The following NKAIN3 variants were observed in gnomAD, a reference collection of about 807,000 sequenced individuals.
NKAIN3 encodes the protein sodium/potassium transporting ATPase interacting 3.
In NKAIN3, 25 loss-of-function variants were observed where a neutral mutation model predicts 30.2. That is an observed-to-expected ratio of 0.83 (90% CI 0.60 to 1.16). The LOEUF (loss-of-function observed/expected upper bound fraction) is 1.16, where lower values mean the gene tolerates loss of function less well. Among genes scored for constraint, NKAIN3 ranks in the 50% most tolerant of loss-of-function variants. NKAIN3 has a pLI of 0.00. For synonymous variants in NKAIN3, 91 were observed against 89.6 expected (o/e 1.02, Z -0.09); for missense variants, 225 against 254.1 (o/e 0.89, Z 0.78).
At chr8:62,706,225 T>G (rs1051284500) in intron 3 of NKAIN3, among the ~76,000 whole-genome samples, 1 of 152,074 alleles carries the variant, frequency 6.6e-6, no homozygotes. Flanking sequence ...TGATGATGAA[T>G]CCCCATGTTG....
intron 3 of NKAIN3, among the ~76,000 whole-genome samples, chr8:62,647,387 A>C (rs149454613): frequency 6.6e-6 from 1 of 152,286 alleles, no homozygotes; most frequent in East Asian, 1.9e-4. Flanking sequence ...GTTCTGAGGA[A>C]AGCAATTATG....
chr8:62,953,138 A>AACAC (rs139161457), intron 5 of NKAIN3, among the ~76,000 whole-genome samples: 13 of 151,334 alleles, frequency 8.6e-5, no homozygotes, highest in African/African-American at 2.7e-4. Context: ...TTTACACACA[A>AACAC]ACACACACAC....
At chr8:62,414,142 A>G (rs1585781452) in intron 1 of NKAIN3, among the ~76,000 whole-genome samples, 1 of 152,168 alleles carries the variant, frequency 6.6e-6, no homozygotes, top group East Asian at 1.9e-4. Flanking sequence ...CAGGATGAGT[A>G]AAGACATTTT....
At chr8:62,505,133 C>T (rs770347687) in intron 1 of NKAIN3, among the ~76,000 whole-genome samples, 44 of 152,054 alleles carry the variant, frequency 2.9e-4, no homozygotes, top group African/African-American at 6.0e-4. Context: ...TGTAATTATG[C>T]GAACAATAAG....
chr8:62,486,960 A>T (rs1410390822), intron 1 of NKAIN3, among the ~76,000 whole-genome samples: 6 of 152,184 alleles, frequency 3.9e-5, no homozygotes, highest in Non-Finnish European at 8.8e-5. Flanking sequence ...GCCCACAAAA[A>T]CACTCATCTC....
intron 6 of NKAIN3, among the ~76,000 whole-genome samples, chr8:62,957,914 G>T (rs1484636104): frequency 6.6e-6 from 1 of 152,158 alleles, no homozygotes; most frequent in Non-Finnish European, 1.5e-5. Context: ...TAACACACTG[G>T]TAGGGAATGC....
rs138863636 is a variant in NKAIN3 at position 62,699,077 on chromosome 8, C to T, written c.274-47855C>T. Among the ~76,000 whole-genome samples the T allele has an allele frequency of 1.6e-3, 247 of 152,246 alleles. 1 individual carries two copies. The highest frequency in any genetic ancestry group is 5.5e-3 in the African/African-American group (228 of 41,554). ...GGATATGCTGTTGTCATTAGAAACACGCTGGCTTTCTTGTGACCTTTCTCG... is the reference window on the plus strand; with the variant it reads ...GGATATGCTGTTGTCATTAGAAACATGCTGGCTTTCTTGTGACCTTTCTCG... On this transcript the variant is annotated intron_variant, in intron 3 of 6. Transcript: ENST00000623646.
At chr8:62,646,917 G>A (rs904614051) in intron 3 of NKAIN3, among the ~76,000 whole-genome samples, 11 of 152,122 alleles carry the variant, frequency 7.2e-5, no homozygotes, top group African/African-American at 2.7e-4. Flanking sequence ...ATGCATCAAT[G>A]AGTAAAAAGA....
intron 3 of NKAIN3, among the ~76,000 whole-genome samples, chr8:62,600,569 G>C (rs907596093): frequency 6.6e-6 from 1 of 151,992 alleles, no homozygotes; most frequent in Non-Finnish European, 1.5e-5. Flanking sequence ...GCTTCCTTCC[G>C]AAGGTCACTT....
At chr8:62,639,695 A>G (rs1415137185) in intron 3 of NKAIN3, among the ~76,000 whole-genome samples, 1 of 152,188 alleles carries the variant, frequency 6.6e-6, no homozygotes, top group South Asian at 2.1e-4. Context: ...TGATAAAAAT[A>G]GACAAGTTGG....
intron 1 of NKAIN3, among the ~76,000 whole-genome samples, chr8:62,399,084 C>G (rs1392792240): frequency 3.3e-5 from 5 of 151,966 alleles, no homozygotes; most frequent in African/African-American, 1.2e-4. Flanking sequence ...GAGCGAGACT[C>G]CTTCTCAAAA....
intron 4 of NKAIN3, among the ~76,000 whole-genome samples, chr8:62,806,163 G>A (rs1818272427): frequency 6.6e-6 from 1 of 152,194 alleles, no homozygotes; most frequent in Admixed American, 6.5e-5. Context: ...AACAGGTGCT[G>A]GAGAAGATGT....
chr8:62,951,405 T>G (rs1171199475), intron 5 of NKAIN3, among the ~76,000 whole-genome samples: 1 of 152,212 alleles, frequency 6.6e-6, no homozygotes, highest in Non-Finnish European at 1.5e-5. Context: ...TAATTTTAAT[T>G]TTTTAATCCA....
rs185124318 is a variant in NKAIN3, at chr8:62,974,417, G to A, written c.*9010G>A. 7.4e-4 allele frequency among the ~76,000 whole-genome samples: 112 copies of A among 152,170 alleles called. 1 individual carries two copies. The highest frequency in any genetic ancestry group is 2.6e-3 in the African/African-American group (109 of 41,510). On this transcript the variant is annotated 3_prime_UTR_variant, in exon 7 of 7. Transcript: ENST00000623646. ...CATTCCTAGGTATTTTATTCTCTTTGTAGCAATTGTGAATGGGAGTTTGTT... is the reference window on the plus strand; with the variant it reads ...CATTCCTAGGTATTTTATTCTCTTTATAGCAATTGTGAATGGGAGTTTGTT...
At chr8:62,658,783 G>T (rs1456815475) in intron 3 of NKAIN3, among the ~76,000 whole-genome samples, 1 of 152,148 alleles carries the variant, frequency 6.6e-6, no homozygotes, top group East Asian at 1.9e-4. Flanking sequence ...AGAAAGTAAA[G>T]TATTACTCCT....
chr8:62,832,286 C>T (rs900982234), intron 4 of NKAIN3, among the ~76,000 whole-genome samples: 39 of 151,494 alleles, frequency 2.6e-4, no homozygotes, highest in African/African-American at 8.5e-4. Context: ...CACACACACA[C>T]ACACACACAC....
chr8:62,341,197 T>A (rs1467714958), intron 1 of NKAIN3, among the ~76,000 whole-genome samples: 1 of 152,050 alleles, frequency 6.6e-6, no homozygotes, highest in Non-Finnish European at 1.5e-5. Context: ...TTTGTGTATG[T>A]AATTATGAGT....
chr8:62,594,674 C>T (rs919943622), intron 3 of NKAIN3, among the ~76,000 whole-genome samples: 4 of 152,012 alleles, frequency 2.6e-5, no homozygotes, highest in African/African-American at 9.7e-5. Context: ...TTTTAATTCC[C>T]CATTACATTT....
At chr8:62,776,184 G>C (rs961255633) in intron 4 of NKAIN3, among the ~76,000 whole-genome samples, 5 of 152,026 alleles carry the variant, frequency 3.3e-5, no homozygotes, top group Non-Finnish European at 7.4e-5. Flanking sequence ...TCTTCTAGGG[G>C]TCTTATTTGT....
Sources: allele counts gnomAD v4.1 joint callset (sites outside exome capture counted in the v4.1 genomes callset), GRCh38; gene constraint gnomAD v4.1.1; transcripts MANE v1.5; gene names NCBI Gene and HGNC (gene_info 2026-07-23, HGNC 2026-07-21).